FGF12: variants seen among roughly 807,000 people sequenced by gnomAD.
FGF12 encodes the protein fibroblast growth factor 12.
FGF12 carries 14 observed loss-of-function variants against 23.6 expected under a neutral mutation model. The observed-to-expected ratio is 0.59, with a 90% confidence interval of 0.39 to 0.93. The LOEUF (loss-of-function observed/expected upper bound fraction) is 0.93, where lower values mean the gene tolerates loss of function less well. Ranked by LOEUF, FGF12 falls within the 40% of genes least tolerant of loss-of-function variation. FGF12 has a pLI of 0.00. For synonymous variants in FGF12, 62 were observed against 77.3 expected (o/e 0.80, Z 1.04); for missense variants, 175 against 217.8 (o/e 0.80, Z 1.24).
intron 3 of FGF12, among the ~76,000 whole-genome samples, chr3:192,344,078 C>G (rs1014963800): frequency 6.6e-6 from 1 of 152,034 alleles, no homozygotes; most frequent in African/African-American, 2.4e-5. Flanking sequence ...CTCCCACATG[C>G]GTAGTGTTCC....
intron 2 of FGF12, among the ~76,000 whole-genome samples, chr3:192,385,216 T>C (rs547224227): frequency 3.8e-4 from 58 of 152,166 alleles, no homozygotes; most frequent in African/African-American, 1.4e-3. Context: ...AGTATTTATT[T>C]ATATATAAAA....
intron 2 of FGF12, among the ~76,000 whole-genome samples, chr3:192,362,802 G>T (rs1171864473): frequency 6.6e-6 from 1 of 152,144 alleles, no homozygotes; most frequent in Admixed American, 6.6e-5. Flanking sequence ...CACGGTATAA[G>T]GGAGGTAAAA....
intron 2 of FGF12, among the ~76,000 whole-genome samples, chr3:192,611,426 G>A (rs1714545608): frequency 6.6e-6 from 1 of 151,996 alleles, no homozygotes; most frequent in Non-Finnish European, 1.5e-5. Flanking sequence ...TGTTTTACGG[G>A]TGTGTTCATT....
At chr3:192,238,729 A>G (rs1719438167) in intron 4 of FGF12, 1 of 152,180 alleles carries the variant, frequency 6.6e-6, no homozygotes. Context: ...TCTTTCCATC[A>G]TCTTATGGCT....
chr3:192,623,061 A>C (rs2062831), intron 2 of FGF12, among the ~76,000 whole-genome samples: 117,085 of 152,188 alleles, frequency 0.77, 45,954 homozygotes, highest in African/African-American at 0.94. Context: ...TTATTCAATT[A>C]AATCAAATAA....
chr3:192,194,618 T>C (rs1052812063), intron 4 of FGF12, among the ~76,000 whole-genome samples: 2 of 152,180 alleles, frequency 1.3e-5, no homozygotes, highest in African/African-American at 4.8e-5. Context: ...TTTCTTTCTG[T>C]CCATGACTAT....
chr3:192,586,077 C>T (rs1713362745), intron 2 of FGF12, among the ~76,000 whole-genome samples: 1 of 151,822 alleles, frequency 6.6e-6, no homozygotes, highest in African/African-American at 2.4e-5. Flanking sequence ...AAAAATTAAC[C>T]AAGTGTACAT....
At position 192,255,262 on chromosome 3, in the gene FGF12, G is replaced by A. The variant is rs545334170; in HGVS notation, c.228+80099C>T. Among the ~76,000 whole-genome samples, 430 of 152,092 alleles carry A rather than the reference G, an allele frequency of 2.8e-3. 4 individuals are homozygous for A. The highest frequency in any genetic ancestry group is 9.7e-3 in the African/African-American group (405 of 41,542). On this transcript the variant is annotated intron_variant, in intron 4 of 5. Transcript: ENST00000445105. The stretch of plus-strand genomic sequence containing the variant: ...AAAAGGTAATTTATTATTAATGTTA[G>A]AGAAAAGTTTAAATTATTAATATTA...
intron 4 of FGF12, among the ~76,000 whole-genome samples, chr3:192,240,210 C>A (rs562744111): frequency 2.0e-5 from 3 of 152,142 alleles, no homozygotes; most frequent in Admixed American, 6.5e-5. Context: ...CAACACCACA[C>A]GATGACTGAT....
chr3:192,388,481 T>C (rs1375258182), intron 2 of FGF12, among the ~76,000 whole-genome samples: 1 of 152,056 alleles, frequency 6.6e-6, no homozygotes, highest in East Asian at 1.9e-4. Flanking sequence ...TACAGAAATA[T>C]AATTATTTGC....
intron 2 of FGF12, among the ~76,000 whole-genome samples, chr3:192,544,612 A>C (rs1477332061): frequency 6.6e-6 from 1 of 152,238 alleles, no homozygotes; most frequent in Non-Finnish European, 1.5e-5. Flanking sequence ...TATTTAACAC[A>C]TAACAAAACA....
chr3:192,402,913 C>T (rs914045573), intron 2 of FGF12, among the ~76,000 whole-genome samples: 4 of 152,106 alleles, frequency 2.6e-5, no homozygotes, highest in Non-Finnish European at 5.9e-5. Flanking sequence ...TCTGTAATTC[C>T]ATGAGTAAGC....
Position 192,158,429 on chromosome 3 carries a change from T to C in FGF12, c.427+12029A>G, listed in dbSNP as rs372581870. ...TTTCTTTCTTTCTCTTTCTTTTTCT[T>C]TTTTCTTTCTTTCTTTCTTCTTTTT... On this transcript the variant is annotated intron_variant, in intron 5 of 5. Coordinates refer to ENST00000445105, the MANE Select transcript of FGF12 (RefSeq NM_004113.6). Among the ~76,000 whole-genome samples the C allele has an allele frequency of 1.7e-3, 162 of 97,308 alleles. 4 individuals are homozygous for C. The highest frequency in any genetic ancestry group is 2.1e-3 in the African/African-American group (64 of 29,854). The allele number at this position is 97,308 out of a possible 152,430, so 63.8% of individuals were successfully genotyped here.
At chr3:192,620,911 G>A (rs1714953576) in intron 2 of FGF12, among the ~76,000 whole-genome samples, 1 of 152,084 alleles carries the variant, frequency 6.6e-6, no homozygotes, top group African/African-American at 2.4e-5. Flanking sequence ...GTATATACCA[G>A]TATGAGCTCC....
chr3:192,164,159 T>G (rs1254721440), intron 5 of FGF12, among the ~76,000 whole-genome samples: 2 of 151,866 alleles, frequency 1.3e-5, no homozygotes, highest in Non-Finnish European at 2.9e-5. Flanking sequence ...TGTCAAAGAG[T>G]ATTTGACTGC....
rs561683153 is a variant in FGF12, at chr3:192,605,076, A to C, written c.13+122105T>G. 4.6e-5 allele frequency among the ~76,000 whole-genome samples: 7 copies of C among 152,194 alleles called. No individual in the cohort carries two copies. The East Asian group carries it at 1.2e-3, about 25-fold the overall frequency. ...TAAAGATTTCAGTGTAATACCTCAC[A>C]CTATAAGAATCCTAGAAGAGGGTCA... On this transcript the variant is annotated intron_variant, in intron 2 of 5. Coordinates refer to ENST00000445105, the MANE Select transcript of FGF12 (RefSeq NM_004113.6).
At chr3:192,262,138 A>T (rs1312916284) in intron 4 of FGF12, among the ~76,000 whole-genome samples, 1 of 152,194 alleles carries the variant, frequency 6.6e-6, no homozygotes, top group African/African-American at 2.4e-5. Flanking sequence ...CCTTGGTGAC[A>T]GACTGCTATG....
intron 2 of FGF12, among the ~76,000 whole-genome samples, chr3:192,562,737 C>CTT (rs34822834): frequency 5.6e-5 from 8 of 141,922 alleles, no homozygotes; most frequent in Non-Finnish European, 7.7e-5. Context: ...ACCTCTGAGA[C>CTT]TTTTTTTTTT....
chr3:192,337,832 A>G (rs6444632), intron 3 of FGF12, among the ~76,000 whole-genome samples: 59,870 of 152,012 alleles, frequency 0.39, 16,401 homozygotes, highest in East Asian at 0.81. Context: ...GACTATTGTA[A>G]AAACTGACAT....
Sources: gnomAD v4.1 joint callset for allele counts (sites outside exome capture counted in the v4.1 genomes callset) on GRCh38, gnomAD v4.1.1 for gene constraint, MANE v1.5 for transcripts, NCBI Gene and HGNC (gene_info 2026-07-23, HGNC 2026-07-21) for gene names.